The following CIP2A variants were observed in gnomAD, a reference collection of about 807,000 sequenced individuals.
CIP2A encodes protein CIP2A.
A neutral mutation model predicts 110.9 loss-of-function variants in CIP2A; 103 were observed. The ratio of observed to expected loss-of-function variants is 0.93; its 90% CI spans 0.79 to 1.09. The LOEUF (loss-of-function observed/expected upper bound fraction) is 1.09. CIP2A is among the 50% of genes least tolerant of loss of function. The pLI, the probability that CIP2A is intolerant of heterozygous loss-of-function variation, is 0.00. For missense variants in CIP2A, 1,088 were observed against 1,038.4 expected, an observed-to-expected ratio of 1.05 and a Z score of -0.66; for synonymous variants, 381 against 361.6, an observed-to-expected ratio of 1.05 and a Z score of -0.61.
At chr3:108,585,012 A>G (rs375676770) in intron 2 of CIP2A, 53 bp downstream of exon 2, 1 of 1,518,360 alleles carries the variant, frequency 6.6e-7, no homozygotes, top group Admixed American at 1.9e-5. Context: ...TGCACTTTAA[A>G]ATATTGTTCA....
Position 108,565,448 on chromosome 3 carries a change from A to T in CIP2A, c.1422T>A (p.Leu474=). The change falls in exon 12 of 21, where the codon CTT becomes CTA. Residue 474 remains leucine, a synonymous_variant. Transcript: ENST00000295746. ...TKVADSELCK[L]AADVILKTLD... is the part of the protein sequence containing the mutation. ...GAGTTTTCAAAATTACATCAGCAGCAAGTTTGCTTTAAAGATAAATCACAT... is the reference window on the plus strand; with the variant it reads ...GAGTTTTCAAAATTACATCAGCAGCTAGTTTGCTTTAAAGATAAATCACAT... The T allele has an allele frequency of 6.4e-7, 1 of 1,573,648 alleles. No individual in the cohort carries two copies. The highest frequency in any genetic ancestry group is 8.7e-7 in the Non-Finnish European group (1 of 1,152,606).
In CIP2A at chr3:108,569,553, T is replaced by G. The variant is rs1173288832; in HGVS notation, c.949A>C (p.Thr317Pro). 6.2e-7 allele frequency: 1 copy of G among 1,612,652 alleles called. No homozygotes were observed. Among genetic ancestry groups the G allele is most frequent in the East Asian group, 2.2e-5 (1 of 44,802 alleles). ...GGAGACTGTTCAAACATCATCTGAG[T>G]GAGCATATGGCGCAGCTGAGTCACT... Reference protein sequence around the residue: ...CSVTQLRHMLTQMMFEQSPPG... With the variant: ...CSVTQLRHMLPQMMFEQSPPG... Residue 317 changes from threonine to proline, a missense_variant, in exon 9 of 21, where the codon ACT becomes CCT. By Grantham distance (38) the Thr-to-Pro change is conservative. Transcript: ENST00000295746.
chr3:108,563,858 A>G (rs1938091847), intron 12 of CIP2A, among the ~76,000 whole-genome samples: 1 of 151,876 alleles, frequency 6.6e-6, no homozygotes, highest in Non-Finnish European at 1.5e-5. Flanking sequence ...TAATCCAAAA[A>G]CCCAAAATGC....
rs752088879 is a variant in CIP2A, at chr3:108,579,310, C to T, written c.789G>A (p.Lys263=). 2 of 1,610,954 alleles carry T rather than the reference C, an allele frequency of 1.2e-6. No homozygotes were observed. The highest frequency in any genetic ancestry group is 1.7e-6 in the Non-Finnish European group (2 of 1,177,744). The part of the protein sequence containing the change: ...YSVDLLMDLL[K]NPKIADYLTR... ...TGAGATAATCAGCAATTTTAGGATT[C>T]TTAAGGAGATCCATCAGTAGGTCAA... The change falls in exon 7 of 21, where the codon AAG becomes AAA. Residue 263 remains lysine (K), a synonymous_variant. Coordinates refer to ENST00000295746, the MANE Select transcript of CIP2A (RefSeq NM_020890.3).
intron 19 of CIP2A, 25 bp from the exon 20 acceptor site, chr3:108,552,398 T>G: frequency 6.9e-7 from 1 of 1,457,920 alleles, no homozygotes; most frequent in East Asian, 2.4e-5. Flanking sequence ...AAGTCAAGTA[T>G]TATACTCAGA....
chr3:108,553,875 A>ACCCCGTCT (rs1489830487), intron 18 of CIP2A, 145 bp from the exon 19 acceptor site: 2 of 178,580 alleles, frequency 1.1e-5, no homozygotes, highest in African/African-American at 6.5e-5. Flanking sequence ...ACATGGTGAA[A>ACCCCGTCT]CCCCGTCTCT....
intron 14 of CIP2A, among the ~76,000 whole-genome samples, 191 bp downstream of exon 14, chr3:108,560,457 GC>G (rs1271373848): frequency 6.6e-6 from 1 of 152,140 alleles, no homozygotes; most frequent in Non-Finnish European, 1.5e-5. Context: ...ACAGGCGTAA[GC>G]CACCGCACCC....
intron 1 of CIP2A, among the ~76,000 whole-genome samples, chr3:108,588,827 G>GT (rs888958282): frequency 1.3e-4 from 20 of 152,190 alleles, no homozygotes; most frequent in African/African-American, 4.8e-4. Flanking sequence ...TGTTTTTCAA[G>GT]TTTGAGTTCA....
chr3:108,588,466 G>A (rs1465120448), intron 1 of CIP2A, among the ~76,000 whole-genome samples: 1 of 150,916 alleles, frequency 6.6e-6, no homozygotes, highest in Non-Finnish European at 1.5e-5. Context: ...ACAAATTTTT[G>A]GCACATTAGT....
chr3:108,566,730 C>T (rs951792833), intron 10 of CIP2A, 92 bp from the exon 11 acceptor site: 2 of 736,306 alleles, frequency 2.7e-6, no homozygotes, highest in Non-Finnish European at 4.2e-6. Context: ...TATATCATCA[C>T]TGTCATCCAG....
At chr3:108,556,749 A>C (rs1937817171) in intron 17 of CIP2A, among the ~76,000 whole-genome samples, 1 of 152,172 alleles carries the variant, frequency 6.6e-6, no homozygotes, top group Non-Finnish European at 1.5e-5. Flanking sequence ...CTTACACCTA[A>C]ATTTCCATTC....
Position 108,576,433 on chromosome 3 carries a change from T to C in CIP2A, c.819-87A>G, listed in dbSNP as rs184488486. ...TTTATCTACAAGATAAATATAAAAT[T>C]TATGTGTATTTTCTTTCATCTATTT... is the stretch of plus-strand genomic sequence containing the variant. On this transcript the variant is annotated intron_variant, in intron 7 of 20. Transcript: ENST00000295746. 211 of 687,562 alleles carry C rather than the reference T, an allele frequency of 3.1e-4. No individual in the cohort carries two copies. In the African/African-American group the frequency reaches 3.6e-3, roughly 12 times the overall value. 42.6% of individuals were successfully genotyped at this position (687,562 alleles called of 1,614,324 possible).
At position 108,589,401 on chromosome 3, in the gene CIP2A, G is replaced by A. The variant is rs541507104; in HGVS notation, c.-26C>T. 1.2e-5 allele frequency: 19 copies of A among 1,537,498 alleles called. No homozygotes were observed. The highest frequency in any genetic ancestry group is 1.7e-5 in the Non-Finnish European group (19 of 1,116,596). On this transcript the variant is annotated 5_prime_UTR_variant, in exon 1 of 21. Coordinates refer to ENST00000295746, the MANE Select transcript of CIP2A (RefSeq NM_020890.3). ...TGCACCGGCCGCGGCCCGGCTTAGG[G>A]ACCACCACCGCCCAGCGTGCGCCGG...
Position 108,569,185 on chromosome 3 carries a change from T to TACAC in CIP2A, c.1113+200_1113+203dup, listed in dbSNP as rs1553694640. 6.3e-3 allele frequency among the ~76,000 whole-genome samples: 787 copies of TACAC among 124,920 alleles called. 34 individuals are homozygous for TACAC. The highest frequency in any genetic ancestry group is 0.023 in the African/African-American group (750 of 33,246). The allele number at this position is 124,920 out of a possible 152,430, so 82.0% of individuals were successfully genotyped here. ...AATGAGCACTATATATATATATACA[T>TACAC]ACACACTACTCAGTGAAAAAAAAGG... On this transcript the variant is annotated intron_variant, in intron 9 of 20. Coordinates refer to ENST00000295746, the MANE Select transcript of CIP2A (RefSeq NM_020890.3).
intron 17 of CIP2A, among the ~76,000 whole-genome samples, chr3:108,554,802 T>TA (rs1479397112): frequency 6.6e-6 from 1 of 152,230 alleles, no homozygotes; most frequent in Non-Finnish European, 1.5e-5. Context: ...TAAATAAGTT[T>TA]AGGGTTCTAC....
chr3:108,569,665 C>A, intron 8 of CIP2A, 58 bp from the exon 9 acceptor site: 1 of 1,277,690 alleles, frequency 7.8e-7, no homozygotes, highest in East Asian at 2.4e-5. Context: ...ATATACAAAG[C>A]AAGTGTATGA....
At chr3:108,552,425 C>A in intron 19 of CIP2A, 52 bp from the exon 20 acceptor site, 4 of 1,203,756 alleles carry the variant, frequency 3.3e-6, no homozygotes, top group Non-Finnish European at 4.5e-6. Flanking sequence ...ACACTGACTA[C>A]TCTGAAATGG....
rs778126522 is a variant in CIP2A at position 108,585,222 on chromosome 3, A to G, written c.103-10T>C. The G allele has an allele frequency of 3.1e-6, 5 of 1,594,242 alleles. No individual in the cohort carries two copies. In the Middle Eastern group the frequency reaches 6.7e-4, roughly 215 times the overall value. ...TCTGTCCAGAAATTACCTATAAAAT[A>G]GTAATCAAAATGTGTTGGTTAAGCG... is the stretch of plus-strand genomic sequence containing the variant. On this transcript the variant is annotated splice_polypyrimidine_tract_variant and intron_variant, in intron 1 of 20. Coordinates refer to ENST00000295746, the MANE Select transcript of CIP2A (RefSeq NM_020890.3).
At position 108,559,783 on chromosome 3, in the gene CIP2A, A is replaced by G; in HGVS notation, c.1987T>C (p.Cys663Arg). 1 of 1,588,862 alleles carries G rather than the reference A, an allele frequency of 6.3e-7. No individual in the cohort carries two copies. The highest frequency in any genetic ancestry group is 8.6e-7 in the Non-Finnish European group (1 of 1,161,468). The change falls in exon 16 of 21, where the codon TGT (cysteine) becomes CGT (arginine). Residue 663 changes from cysteine to arginine, a missense_variant. Coordinates refer to ENST00000295746, the MANE Select transcript of CIP2A (RefSeq NM_020890.3). ...QADRLIAQHR[C>R]QRTQAETEAR... ...TCTGTTTCAGCTTGAGTTCTTTGAC[A>G]GCGATGCTGAGCAATCAGTCTATCA...
Sources: gnomAD v4.1 joint callset for allele counts (sites outside exome capture counted in the v4.1 genomes callset) on GRCh38, gnomAD v4.1.1 for gene constraint, MANE v1.5 for transcripts, NCBI Gene and HGNC (gene_info 2026-07-23, HGNC 2026-07-21) for gene names.